Variants in ST8SIA1 observed in about 807,000 individuals in gnomAD.
ST8SIA1 encodes the protein ST8 alpha-N-acetyl-neuraminide alpha-2,8-sialyltransferase 1.
ST8SIA1 carries 16 observed loss-of-function variants against 35.9 expected under a neutral mutation model. The observed-to-expected ratio is 0.45, with a 90% CI of 0.30 to 0.68. The LOEUF (loss-of-function observed/expected upper bound fraction) is 0.68, where lower values mean the gene tolerates loss of function less well. ST8SIA1 is among the 30% of genes least tolerant of loss of function. The pLI is 0.09. For missense variants in ST8SIA1, 383 were observed against 453.6 expected, an observed-to-expected ratio of 0.84 and a Z score of 1.41; for synonymous variants, 170 against 169.6, an observed-to-expected ratio of 1.00 and a Z score of -0.02.
At chr12:22,224,395 C>T (rs1591828008) in intron 4 of ST8SIA1, among the ~76,000 whole-genome samples, 1 of 151,680 alleles carries the variant, frequency 6.6e-6, no homozygotes, top group South Asian at 2.1e-4. Context: ...CTGCAACTTC[C>T]TCCTCTTGGG....
chr12:22,323,548 A>T, intron 1 of ST8SIA1, among the ~76,000 whole-genome samples: 1 of 152,246 alleles, frequency 6.6e-6, no homozygotes, highest in East Asian at 1.9e-4. Flanking sequence ...ATAAAGATAT[A>T]GGCACACATA....
intron 1 of ST8SIA1, among the ~76,000 whole-genome samples, chr12:22,296,022 C>T (rs1866238701): frequency 6.6e-6 from 1 of 152,158 alleles, no homozygotes. Context: ...GTGTCTTTAG[C>T]TTGAAGTCAT....
intron 4 of ST8SIA1, among the ~76,000 whole-genome samples, chr12:22,219,677 C>A (rs189137092): frequency 1.3e-5 from 2 of 152,252 alleles, no homozygotes; most frequent in African/African-American, 4.8e-5. Context: ...TTTACAGGAT[C>A]TTTAAAGCAG....
At chr12:22,306,608 A>G (rs1431137090) in intron 1 of ST8SIA1, among the ~76,000 whole-genome samples, 4 of 152,182 alleles carry the variant, frequency 2.6e-5, no homozygotes, top group Admixed American at 6.5e-5. Context: ...CCATTTTATT[A>G]TAATGATTTT....
At chr12:22,312,523 CG>C (rs1205283178) in intron 1 of ST8SIA1, among the ~76,000 whole-genome samples, 1 of 152,036 alleles carries the variant, frequency 6.6e-6, no homozygotes, top group Non-Finnish European at 1.5e-5. Context: ...GACACATGCA[CG>C]GTTTGGAAAT....
chr12:22,229,893 T>C (rs1216010470), intron 4 of ST8SIA1, among the ~76,000 whole-genome samples: 2 of 151,994 alleles, frequency 1.3e-5, no homozygotes, highest in South Asian at 2.1e-4. Flanking sequence ...AACATTAAGG[T>C]AGCAGATGAA....
intron 4 of ST8SIA1, among the ~76,000 whole-genome samples, chr12:22,224,228 C>G (rs1270986035): frequency 6.6e-6 from 1 of 151,950 alleles, no homozygotes; most frequent in African/African-American, 2.4e-5. Context: ...GACTTTTCTA[C>G]CTCTACATCC....
rs139594792 is a variant in ST8SIA1 at position 22,289,763 on chromosome 12, G to A, written c.237-2470C>T. Among the ~76,000 whole-genome samples the A allele has an allele frequency of 4.6e-3, 695 of 152,254 alleles. 1 individual carries two copies. Among genetic ancestry groups the A allele is most frequent in the African/African-American group, 0.015 (642 of 41,540 alleles). On this transcript the variant is annotated intron_variant, in intron 1 of 4. Coordinates refer to ENST00000396037, the MANE Select transcript of ST8SIA1 (RefSeq NM_003034.4). ...ACAAAGTGCTACAGGAGGTTCAGAA[G>A]GAAAATTTGTCACAGCCATATAGCA...
chr12:22,286,054 T>C (rs1159547787), intron 2 of ST8SIA1, among the ~76,000 whole-genome samples: 2 of 152,020 alleles, frequency 1.3e-5, no homozygotes, highest in Admixed American at 6.5e-5. Context: ...GGAGACAAAA[T>C]TCAGTTCCAT....
chr12:22,301,954 A>T (rs1419408685), intron 1 of ST8SIA1, among the ~76,000 whole-genome samples: 4 of 152,204 alleles, frequency 2.6e-5, no homozygotes, highest in African/African-American at 7.2e-5. Context: ...GTTCCATCAA[A>T]GCCAATATAA....
intron 4 of ST8SIA1, among the ~76,000 whole-genome samples, chr12:22,220,834 C>G (rs944682437): frequency 4.2e-4 from 64 of 152,312 alleles, no homozygotes; most frequent in African/African-American, 1.4e-3. Flanking sequence ...GTCTGCATGG[C>G]TGGTATGTCT....
intron 4 of ST8SIA1, among the ~76,000 whole-genome samples, chr12:22,248,025 G>A (rs1031122807): frequency 7.9e-5 from 12 of 152,056 alleles, no homozygotes; most frequent in Non-Finnish European, 1.8e-4. Context: ...TTACATATGG[G>A]TAACAAGCAG....
intron 4 of ST8SIA1, among the ~76,000 whole-genome samples, chr12:22,234,017 T>C (rs1381044712): frequency 6.6e-6 from 1 of 152,146 alleles, no homozygotes; most frequent in East Asian, 1.9e-4. Context: ...CCCAACACTT[T>C]GAGAGGCCAA....
intron 1 of ST8SIA1, among the ~76,000 whole-genome samples, chr12:22,312,442 T>C (rs1328808467): frequency 6.6e-6 from 1 of 152,142 alleles, no homozygotes; most frequent in African/African-American, 2.4e-5. Context: ...AGGATTCTCA[T>C]TCAACATTCT....
intron 1 of ST8SIA1, among the ~76,000 whole-genome samples, chr12:22,309,915 C>T (rs756909132): frequency 4.7e-4 from 72 of 152,284 alleles, no homozygotes; most frequent in Non-Finnish European, 8.8e-4. Flanking sequence ...ATTCTCAAAA[C>T]AATCCTATGA....
At chr12:22,248,891 C>T (rs1040427559) in intron 4 of ST8SIA1, 115 bp downstream of exon 4, 4 of 677,328 alleles carry the variant, frequency 5.9e-6, no homozygotes, top group Non-Finnish European at 7.6e-6. Flanking sequence ...CCTGCCTGTC[C>T]AGATGGTTTT....
chr12:22,250,388 C>T (rs1218745667), intron 3 of ST8SIA1, among the ~76,000 whole-genome samples: 1 of 152,146 alleles, frequency 6.6e-6, no homozygotes, highest in Non-Finnish European at 1.5e-5. Flanking sequence ...TCAAAAATAT[C>T]ACAGGTCAGA....
At chr12:22,298,116 G>C (rs1293088477) in intron 1 of ST8SIA1, among the ~76,000 whole-genome samples, 1 of 152,114 alleles carries the variant, frequency 6.6e-6, no homozygotes, top group Non-Finnish European at 1.5e-5. Context: ...TGCCTCATGA[G>C]GGCATGGAAA....
At position 22,198,522 on chromosome 12, in the gene ST8SIA1, TAC is replaced by T. The variant is rs3063791; in HGVS notation, c.*3028_*3029del. On this transcript the variant is annotated 3_prime_UTR_variant, in exon 5 of 5. Transcript: ENST00000396037. ...AGGATAGAGATGCCTAACTTCATGC[TAC>T]ACACACACACACACACACACACACA... 30,544 of 132,636 alleles carry T rather than the reference TAC, an allele frequency of 0.23. 3,260 individuals are homozygous for T. Among genetic ancestry groups the T allele is most frequent in the East Asian group, 0.38 (1,677 of 4,444 alleles). 8.2% of individuals were successfully genotyped at this position (132,636 alleles called of 1,614,324 possible).
Sources: allele counts gnomAD v4.1 joint callset (sites outside exome capture counted in the v4.1 genomes callset), GRCh38; gene constraint gnomAD v4.1.1; transcripts MANE v1.5; gene names NCBI Gene and HGNC (gene_info 2026-07-23, HGNC 2026-07-21).